The following GUCY2F variants were observed in gnomAD, a reference collection of about 807,000 sequenced individuals.
The protein encoded by GUCY2F is retinal guanylyl cyclase 2.
A neutral mutation model predicts 73.1 loss-of-function variants in GUCY2F; 61 were observed. The ratio of observed to expected loss-of-function variants is 0.83; its 90% CI spans 0.68 to 1.03. GUCY2F has a LOEUF of 1.03. Ranked by LOEUF, GUCY2F falls within the 50% of genes least tolerant of loss-of-function variation. GUCY2F has a pLI of 0.00. For missense variants in GUCY2F, 912 were observed against 854.3 expected (o/e 1.07, Z -0.84); for synonymous variants, 331 against 307.8 (o/e 1.08, Z -0.79).
At chrX:109,453,029 T>A (rs1932169039) in intron 4 of GUCY2F, among the ~76,000 whole-genome samples, 1 of 111,816 alleles carries the variant, frequency 8.9e-6, no homozygotes, top group African/African-American at 3.3e-5. Flanking sequence ...AAAAGCAATT[T>A]TGTGCTAAGC....
chrX:109,476,067 C>A, intron 1 of GUCY2F, 46 bp from the exon 2 acceptor site: 1 of 511,784 alleles, frequency 2.0e-6, no homozygotes, highest in Non-Finnish European at 2.9e-6. Flanking sequence ...ATTTCTGAAG[C>A]TTCTGGAAAT....
At chrX:109,409,932 T>C (rs1473279595) in intron 8 of GUCY2F, among the ~76,000 whole-genome samples, 1 of 111,266 alleles carries the variant, frequency 9.0e-6, no homozygotes, top group Non-Finnish European at 1.9e-5. Flanking sequence ...AACGGACTAA[T>C]ACATTGATCC....
intron 6 of GUCY2F, among the ~76,000 whole-genome samples, chrX:109,447,777 AAAAT>A (rs760394138): frequency 2.2e-4 from 25 of 111,446 alleles, no homozygotes; most frequent in African/African-American, 6.8e-4. Flanking sequence ...AGTATAATAA[AAAAT>A]AAATAAATAA....
chrX:109,445,133 A>G (rs1931970835), intron 6 of GUCY2F, among the ~76,000 whole-genome samples: 1 of 111,696 alleles, frequency 9.0e-6, no homozygotes, highest in South Asian at 3.8e-4. Flanking sequence ...CTGGGACTAC[A>G]TGTCATCTTT....
intron 3 of GUCY2F, among the ~76,000 whole-genome samples, chrX:109,462,332 TA>T (rs1334900636): frequency 8.8e-6 from 1 of 113,091 alleles, no homozygotes; most frequent in Non-Finnish European, 1.9e-5. Context: ...GGCTGCCTTC[TA>T]AAGTACCTTT....
At chrX:109,430,233 C>T in intron 8 of GUCY2F, 74 bp downstream of exon 8, 1 of 619,243 alleles carries the variant, frequency 1.6e-6, no homozygotes, top group Non-Finnish European at 2.7e-6. Flanking sequence ...TCTTCCTAAA[C>T]AGCTCTGATG....
intron 2 of GUCY2F, among the ~76,000 whole-genome samples, chrX:109,467,019 A>C (rs1932481002): frequency 8.9e-6 from 1 of 112,122 alleles, no homozygotes; most frequent in African/African-American, 3.2e-5. Context: ...CCTTCAAAAT[A>C]ATTACGCTAA....
intron 1 of GUCY2F, among the ~76,000 whole-genome samples, chrX:109,480,627 C>T (rs1205449877): frequency 3.6e-5 from 4 of 111,235 alleles, no homozygotes; most frequent in African/African-American, 6.5e-5. Context: ...TCATACAACA[C>T]GGGTCCCTCC....
At chrX:109,436,050 A>G (rs998414133) in intron 7 of GUCY2F, among the ~76,000 whole-genome samples, 4 of 111,711 alleles carry the variant, frequency 3.6e-5, no homozygotes, top group African/African-American at 1.3e-4. Context: ...CAAAGGGCTA[A>G]TATCCAGAAT....
chrX:109,380,193 C>T (rs762253464), intron 17 of GUCY2F, among the ~76,000 whole-genome samples: 63 of 112,215 alleles, frequency 5.6e-4, no homozygotes, highest in Middle Eastern at 4.2e-3. Context: ...TTTGAAATCA[C>T]ACCGGGCTCA....
At chrX:109,421,366 T>C (rs1423199234) in intron 8 of GUCY2F, among the ~76,000 whole-genome samples, 1 of 111,045 alleles carries the variant, frequency 9.0e-6, no homozygotes, top group African/African-American at 3.3e-5. Context: ...CATTTAACAA[T>C]GAACAAATGA....
intron 11 of GUCY2F, among the ~76,000 whole-genome samples, chrX:109,397,967 G>A (rs979293161): frequency 1.8e-5 from 2 of 110,863 alleles, no homozygotes; most frequent in African/African-American, 3.3e-5. Context: ...TTGATTGCTT[G>A]TTTAAGGTGG....
chrX:109,448,446 G>A (rs974386823), intron 5 of GUCY2F, among the ~76,000 whole-genome samples: 1 of 111,949 alleles, frequency 8.9e-6, no homozygotes, highest in African/African-American at 3.2e-5. Flanking sequence ...TGGTATCTCA[G>A]GCTAATAAAA....
At chrX:109,447,871 T>C (rs1249709261) in intron 6 of GUCY2F, among the ~76,000 whole-genome samples, 198 bp downstream of exon 6, 1 of 108,264 alleles carries the variant, frequency 9.2e-6, no homozygotes, top group African/African-American at 3.6e-5. Flanking sequence ...TTAATTAACA[T>C]TTTTAATTTT....
intron 9 of GUCY2F, among the ~76,000 whole-genome samples, chrX:109,408,144 T>C (rs1420406005): frequency 8.9e-6 from 1 of 112,524 alleles, no homozygotes; most frequent in Non-Finnish European, 1.9e-5. Flanking sequence ...CCCAAGACCA[T>C]GTGAACCCAC....
intron 3 of GUCY2F, among the ~76,000 whole-genome samples, chrX:109,455,423 C>A (rs917551934): frequency 1.8e-5 from 2 of 111,648 alleles, no homozygotes; most frequent in African/African-American, 6.5e-5. Flanking sequence ...AAGGGAGACA[C>A]AGAGAAGTTA....
intron 14 of GUCY2F, among the ~76,000 whole-genome samples, chrX:109,391,041 G>A (rs1930548138): frequency 8.9e-6 from 1 of 112,334 alleles, no homozygotes; most frequent in Non-Finnish European, 1.9e-5. Flanking sequence ...TTGGTCCTGG[G>A]ACAGAGAAGC....
chrX:109,375,943 G>A lies in GUCY2F; in HGVS notation c.3283C>T (p.Gln1095Ter), dbSNP rs1358614377. The A allele has an allele frequency of 8.3e-7, 1 of 1,210,033 alleles. No homozygotes were observed. Among genetic ancestry groups the A allele is most frequent in the South Asian group, 1.8e-5 (1 of 56,979 alleles). The change falls in exon 19 of 20, where the codon CAA (glutamine) becomes TAA (stop). Residue 1095 changes from glutamine to a stop codon, truncating the protein, a stop_gained. Coordinates refer to ENST00000218006, the MANE Select transcript of GUCY2F (RefSeq NM_001522.3). LOFTEE classifies it high-confidence loss of function. ...GLQPVEIAAF[Q>*]RRKAERQLVR... The stretch of plus-strand genomic sequence containing the variant: ...AACTGCCTTTCTGCTTTTCTTCTTT[G>A]GAAGGCTGCAATCTCCACTGGTTGC...
intron 7 of GUCY2F, 33 bp downstream of exon 7, chrX:109,441,318 A>C (rs1931861902): frequency 1.0e-6 from 1 of 963,084 alleles, no homozygotes; most frequent in African/African-American, 2.0e-5. Flanking sequence ...AATCCAAGAA[A>C]GCAGTAGATT....
Sources: allele counts gnomAD v4.1 joint callset (sites outside exome capture counted in the v4.1 genomes callset), GRCh38; gene constraint gnomAD v4.1.1; transcripts MANE v1.5; gene names NCBI Gene and HGNC (gene_info 2026-07-23, HGNC 2026-07-21).